Variants in IQCM observed in about 807,000 individuals in gnomAD.
IQCM encodes IQ domain-containing protein M.
In IQCM, 45 loss-of-function variants were observed where a neutral mutation model predicts 57.6. The ratio of observed to expected loss-of-function variants is 0.78; its 90% CI spans 0.62 to 1.00. The LOEUF is 1.00. Among genes scored for constraint, IQCM ranks in the 50% least tolerant of loss-of-function variants. The probability of loss-of-function intolerance (pLI) is 0.00; values close to 1 mark genes in which losing one functional copy is unlikely to be tolerated. For synonymous variants in IQCM, 148 were observed against 158.9 expected (o/e 0.93, Z 0.51); for missense variants, 468 against 511.6 (o/e 0.91, Z 0.82).
intron 13 of IQCM, among the ~76,000 whole-genome samples, chr4:149,391,366 A>G (rs1223766147): frequency 6.6e-6 from 1 of 151,772 alleles, no homozygotes; most frequent in Non-Finnish European, 1.5e-5. Context: ...TGAATTTAGT[A>G]ATTTGAGTCT....
intron 13 of IQCM, among the ~76,000 whole-genome samples, chr4:149,392,391 G>A (rs1165341646): frequency 6.6e-6 from 1 of 151,936 alleles, no homozygotes; most frequent in African/African-American, 2.4e-5. Context: ...ACCAAGCTTT[G>A]CAACCGTAAA....
chr4:149,582,380 T>C (rs1752296780), intron 9 of IQCM, among the ~76,000 whole-genome samples: 1 of 125,192 alleles, frequency 8.0e-6, no homozygotes, highest in Admixed American at 8.9e-5. Context: ...TTAGTTGAAA[T>C]AGGCTGAGGG....
intron 12 of IQCM, among the ~76,000 whole-genome samples, chr4:149,497,712 A>G (rs1742809492): frequency 1.3e-5 from 2 of 151,276 alleles, no homozygotes; most frequent in Non-Finnish European, 2.9e-5. Flanking sequence ...AAGTCTATCA[A>G]GGGAAAAAAG....
At chr4:149,678,332 C>A (rs898537975) in intron 7 of IQCM, among the ~76,000 whole-genome samples, 5 of 151,888 alleles carry the variant, frequency 3.3e-5, no homozygotes, top group Non-Finnish European at 5.9e-5. Context: ...TGGCAACAGA[C>A]TTCTCAATGG....
intron 5 of IQCM, among the ~76,000 whole-genome samples, chr4:149,696,033 G>A (rs1448645768): frequency 3.9e-5 from 6 of 152,044 alleles, no homozygotes; most frequent in Admixed American, 3.3e-4. Context: ...CACTTGAAAC[G>A]CAAACTTTCT....
chr4:149,746,675 T>C (rs1346414724), intron 2 of IQCM, among the ~76,000 whole-genome samples: 1 of 152,202 alleles, frequency 6.6e-6, no homozygotes, highest in Non-Finnish European at 1.5e-5. Context: ...TGACTTCTCT[T>C]GGACTTAGTT....
At chr4:149,394,638 G>A (rs1233946579) in intron 13 of IQCM, among the ~76,000 whole-genome samples, 3 of 151,700 alleles carry the variant, frequency 2.0e-5, no homozygotes, top group Non-Finnish European at 4.4e-5. Flanking sequence ...TGGCCTCCAG[G>A]GTGCTTGCCA....
intron 12 of IQCM, among the ~76,000 whole-genome samples, chr4:149,499,934 C>A (rs937220153): frequency 2.0e-5 from 3 of 152,178 alleles, no homozygotes; most frequent in African/African-American, 7.2e-5. Context: ...TTGTGTCTGA[C>A]CCTTCCTTGC....
At chr4:149,520,200 C>T (rs1003972065) in intron 12 of IQCM, among the ~76,000 whole-genome samples, 2 of 150,028 alleles carry the variant, frequency 1.3e-5, no homozygotes, top group Non-Finnish European at 3.0e-5. Context: ...CACAAAAAAC[C>T]GTATATAAGG....
intron 2 of IQCM, among the ~76,000 whole-genome samples, chr4:149,770,289 A>G (rs1234825426): frequency 6.6e-6 from 1 of 152,112 alleles, no homozygotes; most frequent in South Asian, 2.1e-4. Context: ...GCTTATTTTT[A>G]AAATTGACTG....
At chr4:149,641,402 A>G (rs1354554582) in intron 7 of IQCM, among the ~76,000 whole-genome samples, 2 of 152,184 alleles carry the variant, frequency 1.3e-5, no homozygotes, top group African/African-American at 2.4e-5. Context: ...TATAAATACC[A>G]TTTTAAAAAT....
intron 7 of IQCM, among the ~76,000 whole-genome samples, chr4:149,676,899 T>C (rs1009263808): frequency 2.0e-5 from 3 of 151,572 alleles, no homozygotes; most frequent in Non-Finnish European, 4.4e-5. Context: ...CATAAACAAA[T>C]ATACAGTGCC....
intron 11 of IQCM, 91 bp downstream of exon 11, chr4:149,553,052 C>T: frequency 1.1e-6 from 1 of 951,678 alleles, no homozygotes; most frequent in Non-Finnish European, 1.4e-6. Context: ...TATAATCTAC[C>T]TTTGCTTTCT....
intron 5 of IQCM, among the ~76,000 whole-genome samples, chr4:149,731,694 C>A (rs1044165337): frequency 2.6e-5 from 4 of 152,060 alleles, no homozygotes; most frequent in South Asian, 4.1e-4. Flanking sequence ...ACACTAGTCT[C>A]AAGGACATTA....
At chr4:149,467,122 G>C (rs1738939365) in intron 12 of IQCM, among the ~76,000 whole-genome samples, 2 of 152,142 alleles carry the variant, frequency 1.3e-5, no homozygotes, top group African/African-American at 4.8e-5. Flanking sequence ...AAAATATTCT[G>C]TAACAGGCAA....
At chr4:149,590,679 C>T (rs1319818244) in intron 8 of IQCM, among the ~76,000 whole-genome samples, 1 of 152,000 alleles carries the variant, frequency 6.6e-6, no homozygotes, top group African/African-American at 2.4e-5. Flanking sequence ...TCAACTCCCA[C>T]TTATGAGTGA....
chr4:149,757,287 A>G (rs1260263714), intron 2 of IQCM, among the ~76,000 whole-genome samples: 1 of 152,092 alleles, frequency 6.6e-6, no homozygotes, highest in African/African-American at 2.4e-5. Context: ...ATGAGGAAAA[A>G]GAAAAAGAAA....
intron 5 of IQCM, chr4:149,711,202 C>A (rs1580087912): frequency 1.3e-5 from 2 of 152,182 alleles, no homozygotes; most frequent in Admixed American, 6.5e-5. Context: ...AGAAGAAAAG[C>A]AACTTGCTCA....
intron 8 of IQCM, among the ~76,000 whole-genome samples, chr4:149,616,154 C>G (rs779746428): frequency 6.6e-6 from 1 of 152,038 alleles, no homozygotes; most frequent in Non-Finnish European, 1.5e-5. Context: ...CACCCATGTT[C>G]GTGGCAACAT....
Sources: gnomAD v4.1 joint callset for allele counts (sites outside exome capture counted in the v4.1 genomes callset) on GRCh38, gnomAD v4.1.1 for gene constraint, MANE v1.5 for transcripts, NCBI Gene and HGNC (gene_info 2026-07-23, HGNC 2026-07-21) for gene names.